The following PLPP1 variants were observed in gnomAD, a reference collection of about 807,000 sequenced individuals.
PLPP1 encodes the protein lipid phosphate phosphohydrolase 1a.
Under a neutral mutation model 31.2 loss-of-function variants are expected in PLPP1, and 24 were observed. That is an observed-to-expected ratio of 0.77 (90% CI 0.56 to 1.08). The LOEUF is 1.08. PLPP1 is among the 50% of genes least tolerant of loss of function. The probability of loss-of-function intolerance (pLI) is 0.00; values close to 1 mark genes in which losing one functional copy is unlikely to be tolerated. For missense variants in PLPP1, 319 were observed against 342.7 expected, an observed-to-expected ratio of 0.93 and a Z score of 0.55; for synonymous variants, 146 against 126.3, an observed-to-expected ratio of 1.16 and a Z score of -1.05.
intron 1 of PLPP1, among the ~76,000 whole-genome samples, chr5:55,532,131 A>G (rs1226868243): frequency 6.6e-6 from 1 of 152,220 alleles, no homozygotes; most frequent in East Asian, 1.9e-4. Context: ...TTTATAGGAT[A>G]ATTATGTGAT....
intron 1 of PLPP1, among the ~76,000 whole-genome samples, chr5:55,517,600 C>T (rs1168891609): frequency 1.3e-5 from 2 of 152,172 alleles, no homozygotes; most frequent in Non-Finnish European, 2.9e-5. Flanking sequence ...ATCTAGAATA[C>T]GGACCTAATT....
intron 1 of PLPP1, chr5:55,491,242 A>ACC (rs943191318): frequency 1.3e-5 from 12 of 906,158 alleles, no homozygotes; most frequent in Non-Finnish European, 1.6e-5. Context: ...TCTCCATTAT[A>ACC]CCCAAGGGCA....
At chr5:55,533,503 G>A (rs1294635741) in intron 1 of PLPP1, among the ~76,000 whole-genome samples, 1 of 152,126 alleles carries the variant, frequency 6.6e-6, no homozygotes, top group African/African-American at 2.4e-5. Flanking sequence ...TTGGAAACTG[G>A]AGAGTGGAAT....
At chr5:55,437,939 G>A (rs1467833234) in intron 4 of PLPP1, among the ~76,000 whole-genome samples, 1 of 152,220 alleles carries the variant, frequency 6.6e-6, no homozygotes, top group Admixed American at 6.5e-5. Flanking sequence ...GAATCTTAAG[G>A]AAAGTGGATA....
intron 4 of PLPP1, among the ~76,000 whole-genome samples, chr5:55,438,438 TG>T (rs1751545223): frequency 6.6e-6 from 1 of 152,202 alleles, no homozygotes. Flanking sequence ...AGTTAATTTC[TG>T]GGTGTCAGGA....
At chr5:55,510,036 C>CT (rs1753371114) in intron 1 of PLPP1, among the ~76,000 whole-genome samples, 1 of 152,118 alleles carries the variant, frequency 6.6e-6, no homozygotes, top group South Asian at 2.1e-4. Context: ...TTCAATTGTA[C>CT]TTTCTCCTGG....
chr5:55,534,680 G>T lies in PLPP1; in HGVS notation c.-51C>A. 6.7e-7 allele frequency: 1 copy of T among 1,501,520 alleles called. No homozygotes were observed. 93.0% of individuals were successfully genotyped at this position (1,501,520 alleles called of 1,614,324 possible). On this transcript the variant is annotated 5_prime_UTR_variant, in exon 1 of 6. Transcript: ENST00000307259. ...GGGCGATGGACTGAGCTGCGGGACG[G>T]CGGCCGAGGCCCTTGATTCTCGAGC...
At chr5:55,431,004 A>G (rs1234893052) in intron 4 of PLPP1, among the ~76,000 whole-genome samples, 1 of 152,236 alleles carries the variant, frequency 6.6e-6, no homozygotes, top group Non-Finnish European at 1.5e-5. Flanking sequence ...AACTTCAAAA[A>G]TTAGGTCTTT....
At chr5:55,448,144 T>C (rs1271312563) in intron 3 of PLPP1, among the ~76,000 whole-genome samples, 2 of 152,202 alleles carry the variant, frequency 1.3e-5, no homozygotes, top group African/African-American at 2.4e-5. Flanking sequence ...ATATTAGTCA[T>C]AGTTTATTTC....
chr5:55,490,547 G>A (rs749796839), intron 1 of PLPP1, among the ~76,000 whole-genome samples: 3 of 152,050 alleles, frequency 2.0e-5, no homozygotes, highest in African/African-American at 2.4e-5. Context: ...ATATGCAAAC[G>A]TTTTCCTTTT....
chr5:55,519,491 G>GT (rs1753618827), intron 1 of PLPP1, among the ~76,000 whole-genome samples: 1 of 152,202 alleles, frequency 6.6e-6, no homozygotes, highest in Non-Finnish European at 1.5e-5. Flanking sequence ...GCTCACACCT[G>GT]TAATCCCAGC....
chr5:55,463,117 A>G (rs894397070), intron 3 of PLPP1, among the ~76,000 whole-genome samples: 7 of 152,152 alleles, frequency 4.6e-5, no homozygotes, highest in Non-Finnish European at 1.0e-4. Flanking sequence ...TCTCATTCCT[A>G]AGTGGGAGTT....
At chr5:55,489,432 T>C (rs1288094644) in intron 1 of PLPP1, among the ~76,000 whole-genome samples, 1 of 152,190 alleles carries the variant, frequency 6.6e-6, no homozygotes, top group East Asian at 1.9e-4. Flanking sequence ...AACTAAAATT[T>C]AAGTAACCAG....
At chr5:55,444,700 A>G (rs1258847729) in intron 3 of PLPP1, among the ~76,000 whole-genome samples, 1 of 149,708 alleles carries the variant, frequency 6.7e-6, no homozygotes, top group Admixed American at 6.7e-5. Flanking sequence ...TTATTAAGTA[A>G]ACTGATTTTG....
intron 1 of PLPP1, among the ~76,000 whole-genome samples, chr5:55,484,083 T>C (rs1451565352): frequency 1.3e-5 from 2 of 152,162 alleles, no homozygotes; most frequent in Non-Finnish European, 2.9e-5. Flanking sequence ...TGGCCTTTCA[T>C]GTCAGCCTGT....
chr5:55,522,740 T>C (rs567601427), intron 1 of PLPP1, among the ~76,000 whole-genome samples: 1 of 123,494 alleles, frequency 8.1e-6, no homozygotes, highest in Admixed American at 8.4e-5. Context: ...TGTTTTGTTT[T>C]TGAGACGGAG....
At chr5:55,497,419 CT>C (rs925211056) in intron 1 of PLPP1, among the ~76,000 whole-genome samples, 11 of 146,064 alleles carry the variant, frequency 7.5e-5, no homozygotes, top group South Asian at 2.1e-4. Context: ...CTAATTTTTT[CT>C]TTTTTTTTTT....
intron 4 of PLPP1, among the ~76,000 whole-genome samples, chr5:55,437,889 G>A (rs1325927950): frequency 6.6e-6 from 1 of 152,206 alleles, no homozygotes; most frequent in Admixed American, 6.5e-5. Context: ...TATCAACAAT[G>A]CTAGGAGGTA....
intron 2 of PLPP1, among the ~76,000 whole-genome samples, chr5:55,471,357 G>A (rs143633219): frequency 8.6e-5 from 13 of 151,840 alleles, no homozygotes; most frequent in Admixed American, 2.0e-4. Context: ...ACCCACCACC[G>A]CACCCAGCTA....
Sources: gnomAD v4.1 joint callset for allele counts (sites outside exome capture counted in the v4.1 genomes callset) on GRCh38, gnomAD v4.1.1 for gene constraint, MANE v1.5 for transcripts, NCBI Gene and HGNC (gene_info 2026-07-23, HGNC 2026-07-21) for gene names.